The following MRPL45 variants were observed in gnomAD, a reference collection of about 807,000 sequenced individuals.
The protein encoded by MRPL45 is mitochondrial ribosomal protein L45.
Under a neutral mutation model 38.1 loss-of-function variants are expected in MRPL45, and 20 were observed. The ratio of observed to expected loss-of-function variants is 0.53; its 90% confidence interval spans 0.37 to 0.76. The LOEUF is 0.76. Among genes scored for constraint, MRPL45 ranks in the 30% least tolerant of loss-of-function variants. The pLI, the probability that MRPL45 is intolerant of heterozygous loss-of-function variation, is 0.00. For missense variants in MRPL45, 337 were observed against 395.6 expected, an observed-to-expected ratio of 0.85 and a Z score of 1.26; for synonymous variants, 105 against 128.8, an observed-to-expected ratio of 0.82 and a Z score of 1.25.
At chr17:38,316,778 T>C (rs2037177859) in intron 4 of MRPL45, among the ~76,000 whole-genome samples, 1 of 150,602 alleles carries the variant, frequency 6.6e-6, no homozygotes, top group East Asian at 1.9e-4. Context: ...AAAGTGTATT[T>C]GTCTGTTTTA....
At chr17:38,316,869 C>T (rs2037179023) in intron 4 of MRPL45, among the ~76,000 whole-genome samples, 1 of 151,188 alleles carries the variant, frequency 6.6e-6, no homozygotes, top group South Asian at 2.1e-4. Flanking sequence ...GCGATCTTGG[C>T]TCACTGCAAC....
chr17:38,302,116 CAAAAAAAAAAAA>C (rs67699213), intron 3 of MRPL45, among the ~76,000 whole-genome samples: 1 of 75,596 alleles, frequency 1.3e-5, no homozygotes, highest in Non-Finnish European at 2.3e-5. Context: ...GACTCCGTCT[CAAAAAAAAAAAA>C]AAAAAAAAAG....
chr17:38,303,736 T>C (rs944108626), intron 3 of MRPL45, among the ~76,000 whole-genome samples: 2 of 150,840 alleles, frequency 1.3e-5, no homozygotes, highest in African/African-American at 4.9e-5. Flanking sequence ...CTTCTTTTCT[T>C]TTTTTTTTGA....
intron 3 of MRPL45, among the ~76,000 whole-genome samples, chr17:38,302,116 CAAAA>C (rs67699213): frequency 2.6e-5 from 2 of 75,582 alleles, no homozygotes; most frequent in African/African-American, 1.1e-4. Flanking sequence ...GACTCCGTCT[CAAAA>C]AAAAAAAAAA....
At position 38,320,728 on chromosome 17, in the gene MRPL45, C is replaced by T. The variant is rs774170737; in HGVS notation, c.621C>T (p.Asn207=). ...VRCSSMMNQG[N]VYGQITVRMH... ...GTTCAAGTATGATGAACCAGGGCAA[C>T]GTGTACGGCCAGATCACCGTACGCA... is the stretch of plus-strand genomic sequence containing the variant. Residue 207 remains asparagine, a synonymous_variant, in exon 6 of 8, where the codon AAC becomes AAT. Coordinates refer to ENST00000613675, the MANE Select transcript of MRPL45 (RefSeq NM_032351.6). 7.4e-6 allele frequency: 12 copies of T among 1,614,124 alleles called. No individual in the cohort carries two copies. The highest frequency in any genetic ancestry group is 3.3e-5 in the South Asian group (3 of 91,080).
chr17:38,309,653 C>G (rs1412096169), intron 4 of MRPL45, among the ~76,000 whole-genome samples: 2 of 150,592 alleles, frequency 1.3e-5, no homozygotes, highest in African/African-American at 4.9e-5. Flanking sequence ...GAGACAGGGT[C>G]TGGCCTTGTT....
chr17:38,302,506 G>GTTTTTTTT (rs1187786944), intron 3 of MRPL45, among the ~76,000 whole-genome samples: 1 of 39,070 alleles, frequency 2.6e-5, no homozygotes, highest in Admixed American at 3.4e-4. Context: ...AAAAAAAAAA[G>GTTTTTTTT]TTTGTTTTTT....
In MRPL45 at chr17:38,298,602, C is replaced by T. The variant is rs767858823; in HGVS notation, c.220C>T (p.Arg74Cys). The change falls in exon 2 of 8, where the codon CGT becomes TGT. Residue 74 changes from arginine (R) to cysteine (C), a missense_variant. By Grantham distance (180) the Arg-to-Cys change is radical. Transcript: ENST00000613675. Reference protein sequence around the residue: ...GLVIPPEKSDRSIHLACTAGI... With the variant: ...GLVIPPEKSDCSIHLACTAGI... ...GGTTATTCCTCCAGAAAAATCGGAC[C>T]GTTCCATACATCTGGCCTGTACAGG... 38 of 1,612,262 alleles carry T rather than the reference C, an allele frequency of 2.4e-5. No individual in the cohort carries two copies. In the South Asian group the frequency reaches 2.9e-4, roughly 12 times the overall value.
At chr17:38,310,250 A>G (rs186906753) in intron 4 of MRPL45, among the ~76,000 whole-genome samples, 1 of 147,022 alleles carries the variant, frequency 6.8e-6, no homozygotes, top group Non-Finnish European at 1.5e-5. Context: ...TTCAAAATCT[A>G]TGTCTTCAAT....
At chr17:38,305,319 TAGGC>T (rs1258415115) in intron 3 of MRPL45, among the ~76,000 whole-genome samples, 2 of 140,846 alleles carry the variant, frequency 1.4e-5, no homozygotes, top group Non-Finnish European at 3.1e-5. Context: ...ATACAAAAAT[TAGGC>T]GGGCGGGGTG....
In MRPL45 at chr17:38,313,750, C is replaced by T. The variant is rs60896951; in HGVS notation, c.462-4937C>T. 8.4e-3 allele frequency among the ~76,000 whole-genome samples: 1,277 copies of T among 151,518 alleles called. 10 individuals are homozygous for T. The highest frequency in any genetic ancestry group is 0.03 in the African/African-American group (1,215 of 41,186). On this transcript the variant is annotated intron_variant, in intron 4 of 7. Transcript: ENST00000613675. Reference sequence around the variant, plus strand: ...CGATCTCGGCTCATAGCAACCTCTGCCTCCTGGGTTCAAGCGATTCTCCTG... The same window carrying T: ...CGATCTCGGCTCATAGCAACCTCTGTCTCCTGGGTTCAAGCGATTCTCCTG...
At chr17:38,320,846 G>T in intron 6 of MRPL45, 79 bp downstream of exon 6, 1 of 1,415,004 alleles carries the variant, frequency 7.1e-7, no homozygotes, top group East Asian at 2.3e-5. Context: ...GCTGGGTATG[G>T]TTGCCCAGGA....
At chr17:38,305,958 G>A (rs1273620347) in intron 3 of MRPL45, among the ~76,000 whole-genome samples, 4 of 151,848 alleles carry the variant, frequency 2.6e-5, no homozygotes, top group African/African-American at 9.7e-5. Context: ...TGACTCTTGA[G>A]CATTTGTAAG....
At chr17:38,321,122 C>T (rs2144241839) in intron 6 of MRPL45, among the ~76,000 whole-genome samples, 1 of 152,180 alleles carries the variant, frequency 6.6e-6, no homozygotes, top group Admixed American at 6.5e-5. Context: ...ACTACAGGGG[C>T]ACGCAACCAT....
intron 4 of MRPL45, among the ~76,000 whole-genome samples, chr17:38,310,980 ATAAGAT>A (rs1461245216): frequency 3.3e-5 from 5 of 152,194 alleles, no homozygotes; most frequent in African/African-American, 1.2e-4. Context: ...TTTAAAAATT[ATAAGAT>A]TAATAATAGC....
At chr17:38,298,837 A>C (rs1040790342) in intron 2 of MRPL45, among the ~76,000 whole-genome samples, 1 of 152,040 alleles carries the variant, frequency 6.6e-6, no homozygotes, top group Non-Finnish European at 1.5e-5. Flanking sequence ...AAATTTCTCC[A>C]TTTTGTGGAA....
At chr17:38,320,106 A>G (rs757182125) in intron 5 of MRPL45, among the ~76,000 whole-genome samples, 7 of 152,136 alleles carry the variant, frequency 4.6e-5, no homozygotes, top group Non-Finnish European at 1.0e-4. Context: ...GCCGTCTCAA[A>G]AATAAAAATA....
At chr17:38,301,507 C>T (rs1485331162) in intron 3 of MRPL45, among the ~76,000 whole-genome samples, 1 of 152,200 alleles carries the variant, frequency 6.6e-6, no homozygotes, top group East Asian at 1.9e-4. Context: ...TCCCAAAGTG[C>T]TGGGATTACA....
intron 3 of MRPL45, among the ~76,000 whole-genome samples, chr17:38,302,915 G>C (rs1407389919): frequency 4.0e-5 from 6 of 150,186 alleles, no homozygotes; most frequent in Non-Finnish European, 8.9e-5. Flanking sequence ...AGTAGAGACA[G>C]GGTTTCACCA....
Sources: allele counts gnomAD v4.1 joint callset (sites outside exome capture counted in the v4.1 genomes callset), GRCh38; gene constraint gnomAD v4.1.1; transcripts MANE v1.5; gene names NCBI Gene and HGNC (gene_info 2026-07-23, HGNC 2026-07-21).